Variants in MTUS2 observed in about 807,000 individuals in gnomAD.
MTUS2 encodes the protein microtubule associated scaffold protein 2.
In MTUS2, 40 loss-of-function variants were observed where a neutral mutation model predicts 114.1. That is an observed-to-expected ratio of 0.35 (90% confidence interval 0.27 to 0.46). The LOEUF (loss-of-function observed/expected upper bound fraction) is 0.46. Among genes scored for constraint, MTUS2 ranks in the 20% least tolerant of loss-of-function variants. The pLI, the probability that MTUS2 is intolerant of heterozygous loss-of-function variation, is 1.00. For synonymous variants in MTUS2, 688 were observed against 672.0 expected, an observed-to-expected ratio of 1.02 and a Z score of -0.37; for missense variants, 1,679 against 1,705.4, an observed-to-expected ratio of 0.98 and a Z score of 0.27.
At chr13:28,887,383 C>T (rs898092968) in intron 2 of MTUS2, among the ~76,000 whole-genome samples, 1 of 152,172 alleles carries the variant, frequency 6.6e-6, no homozygotes, top group Non-Finnish European at 1.5e-5. Flanking sequence ...CCACAGCTGC[C>T]CCATCATTGA....
At chr13:29,137,940 G>A (rs1320521126) in intron 5 of MTUS2, among the ~76,000 whole-genome samples, 1 of 152,140 alleles carries the variant, frequency 6.6e-6, no homozygotes. Flanking sequence ...AAAGAAAAAG[G>A]CATTGGCCTT....
chr13:28,937,708 C>A (rs76009910), intron 2 of MTUS2, among the ~76,000 whole-genome samples: 20,586 of 152,074 alleles, frequency 0.14, 1,510 homozygotes, highest in South Asian at 0.21. Context: ...GTAGGTGGGT[C>A]CTGCGTGTCC....
At chr13:29,415,826 G>A (rs1213572217) in intron 8 of MTUS2, among the ~76,000 whole-genome samples, 2 of 151,654 alleles carry the variant, frequency 1.3e-5, no homozygotes, top group Admixed American at 6.6e-5. Context: ...TAAGAAGTTT[G>A]TTGTTGTTGT....
At chr13:29,236,963 A>T (rs1251295229) in intron 5 of MTUS2, among the ~76,000 whole-genome samples, 9 of 152,218 alleles carry the variant, frequency 5.9e-5, no homozygotes, top group Non-Finnish European at 1.3e-4. Flanking sequence ...AAACACAGAG[A>T]AAAGAATCAA....
At chr13:28,949,405 A>C (rs1297042159) in intron 2 of MTUS2, among the ~76,000 whole-genome samples, 3 of 152,204 alleles carry the variant, frequency 2.0e-5, no homozygotes, top group Admixed American at 2.0e-4. Context: ...TACTTCGCCT[A>C]TCTTGCTATC....
chr13:28,993,610 T>G (rs768802223), intron 2 of MTUS2, among the ~76,000 whole-genome samples: 36 of 152,162 alleles, frequency 2.4e-4, no homozygotes, highest in Non-Finnish European at 4.3e-4. Flanking sequence ...AGGGGTCCAG[T>G]TTCATTCTTT....
At chr13:28,839,103 G>A (rs1403763167) in intron 1 of MTUS2, among the ~76,000 whole-genome samples, 2 of 152,044 alleles carry the variant, frequency 1.3e-5, no homozygotes, top group Admixed American at 1.3e-4. Context: ...ATAATAGCAG[G>A]CATTCTGTGG....
chr13:28,945,977 A>G (rs1394176481), intron 2 of MTUS2, among the ~76,000 whole-genome samples: 4 of 152,196 alleles, frequency 2.6e-5, no homozygotes, highest in Non-Finnish European at 5.9e-5. Flanking sequence ...AGACAGCTTT[A>G]CCTCATGGAT....
At chr13:29,374,006 A>T (rs1489635018) in intron 8 of MTUS2, among the ~76,000 whole-genome samples, 1 of 152,228 alleles carries the variant, frequency 6.6e-6, no homozygotes, top group Admixed American at 6.5e-5. Context: ...TCAAAGAAAG[A>T]TGTATCAAAG....
chr13:28,884,608 C>T (rs931062162), intron 2 of MTUS2, among the ~76,000 whole-genome samples: 1 of 152,140 alleles, frequency 6.6e-6, no homozygotes, highest in Admixed American at 6.5e-5. Flanking sequence ...CACACATATA[C>T]ACACTTGGGA....
At chr13:29,100,540 A>C (rs1890366774) in intron 4 of MTUS2, among the ~76,000 whole-genome samples, 3 of 152,090 alleles carry the variant, frequency 2.0e-5, no homozygotes, top group Admixed American at 6.5e-5. Flanking sequence ...TAGACGGTAA[A>C]TTTGTCCAGG....
intron 4 of MTUS2, chr13:29,072,070 T>C (rs1434025368): frequency 6.6e-6 from 1 of 152,304 alleles, no homozygotes; most frequent in Non-Finnish European, 1.5e-5. Context: ...TACTGCAGCA[T>C]TGCTGTCTCA....
chr13:29,470,409 T>A (rs559281174), intron 9 of MTUS2, among the ~76,000 whole-genome samples: 10 of 152,232 alleles, frequency 6.6e-5, no homozygotes, highest in African/African-American at 2.2e-4. Context: ...GTCCTGCACC[T>A]CCCTCATCCC....
At position 29,383,218 on chromosome 13, in the gene MTUS2, G is replaced by A. The variant is rs188643080; in HGVS notation, c.3117+23745G>A. On this transcript the variant is annotated intron_variant, in intron 8 of 15. Coordinates refer to ENST00000612955, the MANE Select transcript of MTUS2 (RefSeq NM_001033602.4). The stretch of plus-strand genomic sequence containing the variant: ...CAAGTTTAAATGATAGGAAAATTGA[G>A]TGTGTGTGTGTGTGTGTGTGTGTGT... Among the ~76,000 whole-genome samples, 816 of 88,388 alleles carry A rather than the reference G, an allele frequency of 9.2e-3. 6 individuals are homozygous for A. The highest frequency in any genetic ancestry group is 0.026 in the African/African-American group (773 of 29,890). 58.0% of individuals were successfully genotyped at this position (88,388 alleles called of 152,430 possible). A position where few individuals can be genotyped will look rare whatever the true frequency, so the allele number is the denominator to read the frequency against.
At chr13:29,124,618 GAT>G (rs1190562266) in intron 5 of MTUS2, among the ~76,000 whole-genome samples, 1 of 152,160 alleles carries the variant, frequency 6.6e-6, no homozygotes, top group Non-Finnish European at 1.5e-5. Context: ...CTTGTGAAGA[GAT>G]ATTTATGTAT....
chr13:29,260,468 CTTGTGGGAGTTA>C (rs1390534101), intron 5 of MTUS2, among the ~76,000 whole-genome samples: 8 of 152,164 alleles, frequency 5.3e-5, no homozygotes, highest in African/African-American at 1.7e-4. Context: ...GAACGCTAAG[CTTGTGGGAGTTA>C]TTTATATCCT....
intron 8 of MTUS2, among the ~76,000 whole-genome samples, chr13:29,393,021 A>G (rs1045390311): frequency 2.0e-5 from 3 of 152,226 alleles, no homozygotes; most frequent in Non-Finnish European, 4.4e-5. Context: ...AGTAAACTGA[A>G]CTAAAGAAAT....
chr13:28,965,635 A>T (rs920514318), intron 2 of MTUS2, among the ~76,000 whole-genome samples: 6 of 152,174 alleles, frequency 3.9e-5, no homozygotes, highest in African/African-American at 1.4e-4. Flanking sequence ...TATATATATG[A>T]TAAGAGAGGT....
chr13:29,155,785 G>A (rs184055318), intron 5 of MTUS2, among the ~76,000 whole-genome samples: 43 of 152,002 alleles, frequency 2.8e-4, no homozygotes, highest in African/African-American at 9.9e-4. Context: ...ATATATACAT[G>A]TATACTCATC....
Sources: allele counts gnomAD v4.1 joint callset (sites outside exome capture counted in the v4.1 genomes callset), GRCh38; gene constraint gnomAD v4.1.1; transcripts MANE v1.5; gene names NCBI Gene and HGNC (gene_info 2026-07-23, HGNC 2026-07-21).